The following DNAJC13 variants were observed in gnomAD, a reference collection of about 807,000 sequenced individuals.
DNAJC13 encodes DnaJ heat shock protein family (Hsp40) member C13, also known as dnaJ homolog subfamily C member 13.
In DNAJC13, 75 loss-of-function variants were observed where a neutral mutation model predicts 290.5. The ratio of observed to expected loss-of-function variants is 0.26; its 90% CI spans 0.21 to 0.31. The LOEUF is 0.31. Ranked by LOEUF, DNAJC13 falls within the 10% of genes least tolerant of loss-of-function variation. DNAJC13 has a pLI of 1.00. For missense variants in DNAJC13, 2,260 were observed against 2,674.5 expected (o/e 0.85, Z 3.42); for synonymous variants, 862 against 892.0 (o/e 0.97, Z 0.60).
At chr3:132,444,504 T>TG (rs1933180223) in intron 2 of DNAJC13, among the ~76,000 whole-genome samples, 1 of 152,232 alleles carries the variant, frequency 6.6e-6, no homozygotes, top group African/African-American at 2.4e-5. Flanking sequence ...CTTCTAAGAC[T>TG]GTACATGGCA....
chr3:132,483,270 C>T, intron 27 of DNAJC13, 105 bp from the exon 28 acceptor site: 2 of 1,044,284 alleles, frequency 1.9e-6, no homozygotes, highest in African/African-American at 1.6e-5. Flanking sequence ...AGTGTACTTA[C>T]ATGTTTGTTT....
chr3:132,511,036 T>C, intron 43 of DNAJC13, 31 bp from the exon 44 acceptor site: 1 of 1,603,060 alleles, frequency 6.2e-7, no homozygotes, highest in Non-Finnish European at 8.5e-7. Context: ...AGGGCACCCA[T>C]GTTGTTTAAA....
intron 32 of DNAJC13, among the ~76,000 whole-genome samples, chr3:132,491,302 A>G (rs1293789252): frequency 6.6e-6 from 1 of 152,160 alleles, no homozygotes; most frequent in Non-Finnish European, 1.5e-5. Context: ...AACTGCTGGT[A>G]CTTCTTAAAT....
At chr3:132,529,551 G>A (rs1420999466) in intron 54 of DNAJC13, among the ~76,000 whole-genome samples, 3 of 152,174 alleles carry the variant, frequency 2.0e-5, no homozygotes, top group Admixed American at 2.0e-4. Flanking sequence ...ACTTTGGGAG[G>A]CCGAGGCGGG....
chr3:132,462,733 A>G (rs1933840003), intron 16 of DNAJC13, among the ~76,000 whole-genome samples: 1 of 152,248 alleles, frequency 6.6e-6, no homozygotes, highest in African/African-American at 2.4e-5. Flanking sequence ...GTGAAGTTGT[A>G]GAGCAAATAA....
intron 1 of DNAJC13, among the ~76,000 whole-genome samples, chr3:132,424,151 T>G (rs984726178): frequency 1.3e-5 from 2 of 152,172 alleles, no homozygotes; most frequent in African/African-American, 4.8e-5. Context: ...TTCAAAGCAT[T>G]GCTTAAGTGA....
At chr3:132,522,730 C>A in intron 48 of DNAJC13, 98 bp from the exon 49 acceptor site, 1 of 1,031,542 alleles carries the variant, frequency 9.7e-7, no homozygotes, top group Non-Finnish European at 1.4e-6. Context: ...AGTCATAACA[C>A]AAATTATGTT....
In DNAJC13 at chr3:132,513,140, A is replaced by G. The variant is rs1378741889; in HGVS notation, c.5385+41A>G. 2.0e-6 allele frequency: 3 copies of G among 1,488,260 alleles called. No homozygotes were observed. The African/African-American group carries it at 4.2e-5, about 21-fold the overall frequency. 92.2% of individuals were successfully genotyped at this position (1,488,260 alleles called of 1,614,324 possible). The stretch of plus-strand genomic sequence containing the variant: ...ACTAAAGCGTGTTGCCTTTCCTACC[A>G]CTTACCATGTGTAATTTGAGTCTCT... On this transcript the variant is annotated intron_variant, in intron 45 of 55. Transcript: ENST00000260818.
rs1260320638 is a variant in DNAJC13 at position 132,456,719 on chromosome 3, G to T, written c.1236G>T (p.Leu412=). The T allele has an allele frequency of 6.2e-7, 1 of 1,614,062 alleles. No homozygotes were observed. The highest frequency in any genetic ancestry group is 1.7e-5 in the Admixed American group (1 of 60,008). The change falls in exon 12 of 56, where the codon CTG becomes CTT. Residue 412 remains leucine (L), a synonymous_variant. Transcript: ENST00000260818. ...KLINNAITAL[L]SQEGDVVASN... ...TCAATAATGCCATAACAGCATTACT[G>T]TCCCAAGAAGGGGATGTCGTTGCTT... is the stretch of plus-strand genomic sequence containing the variant.
intron 1 of DNAJC13, among the ~76,000 whole-genome samples, chr3:132,428,368 G>A (rs186962457): frequency 3.3e-5 from 5 of 152,310 alleles, no homozygotes; most frequent in Admixed American, 2.6e-4. Flanking sequence ...TACTGAGAAT[G>A]TAAAATAGAT....
intron 2 of DNAJC13, among the ~76,000 whole-genome samples, chr3:132,439,679 A>G (rs1290039949): frequency 1.3e-5 from 2 of 152,208 alleles, no homozygotes; most frequent in Non-Finnish European, 2.9e-5. Context: ...AGATACAGAC[A>G]TTGCATCATG....
At position 132,526,168 on chromosome 3, in the gene DNAJC13, G is replaced by C; in HGVS notation, c.6268G>C (p.Glu2090Gln). 1.2e-6 allele frequency: 2 copies of C among 1,614,038 alleles called. No individual in the cohort carries two copies. Among genetic ancestry groups the C allele is most frequent in the South Asian group, 1.1e-5 (1 of 91,064 alleles). The change falls in exon 53 of 56, where the codon GAG becomes CAG. Residue 2090 changes from glutamate to glutamine, a missense_variant. By Grantham distance (29) the Glu-to-Gln change is conservative (BLOSUM62 2). Around this residue, in one of 3 missense-constraint regions of DNAJC13, gnomAD observed 1,494 missense variants for 1,693.7 expected, o/e 0.88. Coordinates refer to ENST00000260818, the MANE Select transcript of DNAJC13 (RefSeq NM_015268.4). ...ELCVRAMASLETIGPLMNGMK... is the reference protein window; with the variant it reads ...ELCVRAMASLQTIGPLMNGMK... ...GTGTGTTCGAGCCATGGCATCTTTAGAGACCATTGGCCCACTGATGAATGG... is the reference window on the plus strand; with the variant it reads ...GTGTGTTCGAGCCATGGCATCTTTACAGACCATTGGCCCACTGATGAATGG...
rs1179584806 is a variant in DNAJC13, at chr3:132,456,731, G to A, written c.1248G>A (p.Gly416=). 6.2e-7 allele frequency: 1 copy of A among 1,613,962 alleles called. No homozygotes were observed. Among genetic ancestry groups the A allele is most frequent in the Non-Finnish European group, 8.5e-7 (1 of 1,179,968 alleles). The stretch of plus-strand genomic sequence containing the variant: ...TAACAGCATTACTGTCCCAAGAAGG[G>A]GATGTCGTTGCTTCAAATGCGGAAC... ...NAITALLSQE[G]DVVASNAELE... Residue 416 remains glycine, a synonymous_variant, in exon 12 of 56, where the codon GGG becomes GGA. Transcript: ENST00000260818.
chr3:132,492,441 C>T lies in DNAJC13; in HGVS notation c.3651C>T (p.Ala1217=), dbSNP rs61748100. The part of the protein sequence containing the change: ...MRRLMIEKIA[A]HLADFTPRLQ... ...GCCTGATGATAGAGAAGATTGCTGC[C>T]CATCTCGCGGATTTCACACCTCGTC... Residue 1217 remains alanine (A), a synonymous_variant, in exon 33 of 56, where the codon GCC becomes GCT. Transcript: ENST00000260818. 0.015 allele frequency: 23,553 copies of T among 1,613,778 alleles called. 300 individuals are homozygous for T. The highest frequency in any genetic ancestry group is 0.051 in the Admixed American group (3,058 of 59,992).
intron 1 of DNAJC13, among the ~76,000 whole-genome samples, chr3:132,430,777 A>G (rs1361881201): frequency 6.6e-6 from 1 of 152,132 alleles, no homozygotes; most frequent in Non-Finnish European, 1.5e-5. Flanking sequence ...GTTTCTTTTC[A>G]GCAATATCAT....
At chr3:132,436,775 T>C (rs939111888) in intron 2 of DNAJC13, among the ~76,000 whole-genome samples, 1 of 152,212 alleles carries the variant, frequency 6.6e-6, no homozygotes, top group Non-Finnish European at 1.5e-5. Flanking sequence ...TGATTCATGA[T>C]GTTGGGTATC....
intron 20 of DNAJC13, among the ~76,000 whole-genome samples, chr3:132,467,590 C>T (rs958439021): frequency 3.9e-5 from 6 of 151,900 alleles, no homozygotes; most frequent in Non-Finnish European, 5.9e-5. Context: ...CTCAGCCTCC[C>T]GAGTAGCTGG....
At chr3:132,446,649 A>T in intron 3 of DNAJC13, 99 bp downstream of exon 3, 1 of 723,822 alleles carries the variant, frequency 1.4e-6, no homozygotes. Flanking sequence ...GTACTTGAAG[A>T]TAGAAATGTC....
chr3:132,467,077 C>T (rs893326282), intron 19 of DNAJC13, 93 bp from the exon 20 acceptor site: 5 of 1,381,080 alleles, frequency 3.6e-6, no homozygotes, highest in African/African-American at 1.5e-5. Context: ...CCAGCATTAA[C>T]CTTATAAAAT....
Sources: allele counts gnomAD v4.1 joint callset (sites outside exome capture counted in the v4.1 genomes callset), GRCh38; gene constraint gnomAD v4.1.1; regional missense constraint gnomAD v4.1.1; transcripts MANE v1.5; gene names NCBI Gene and HGNC (gene_info 2026-07-23, HGNC 2026-07-21).